The following GRM5 variants were observed in gnomAD, a reference collection of about 807,000 sequenced individuals.
GRM5 encodes metabotropic glutamate receptor 5.
In GRM5, 19 loss-of-function variants were observed where a neutral mutation model predicts 83.1. The ratio of observed to expected loss-of-function variants is 0.23; its 90% CI spans 0.16 to 0.34. The LOEUF is 0.34. Among genes scored for constraint, GRM5 ranks in the 10% least tolerant of loss-of-function variants. The pLI is 1.00. For synonymous variants in GRM5, 675 were observed against 633.6 expected (o/e 1.07, Z -0.98); for missense variants, 1,160 against 1,588.3 (o/e 0.73, Z 4.58).
intron 1 of GRM5, among the ~76,000 whole-genome samples, chr11:89,057,285 C>G (rs149859761): frequency 0.016 from 2,381 of 152,150 alleles, 60 homozygotes; most frequent in African/African-American, 0.053. Context: ...AGATAAGAGA[C>G]AGCCTGAGGT....
intron 2 of GRM5, among the ~76,000 whole-genome samples, chr11:88,851,024 C>A (rs983186796): frequency 5.3e-5 from 8 of 152,006 alleles, no homozygotes; most frequent in Non-Finnish European, 1.0e-4. Context: ...GCAGTTAGGT[C>A]CATATTTACC....
At chr11:88,844,809 A>G (rs1944269602) in intron 3 of GRM5, among the ~76,000 whole-genome samples, 1 of 152,198 alleles carries the variant, frequency 6.6e-6, no homozygotes, top group African/African-American at 2.4e-5. Flanking sequence ...AAATAACTGA[A>G]GATGTAGTGA....
chr11:88,798,063 C>T (rs1314838042), intron 3 of GRM5, among the ~76,000 whole-genome samples: 6 of 152,118 alleles, frequency 3.9e-5, no homozygotes, highest in East Asian at 1.9e-4. Context: ...CTCCTGTCTG[C>T]TCTTTCTCCT....
chr11:88,583,956 C>T (rs1397250327), intron 7 of GRM5, among the ~76,000 whole-genome samples: 1 of 152,112 alleles, frequency 6.6e-6, no homozygotes, highest in Non-Finnish European at 1.5e-5. Context: ...ATTACATTAT[C>T]CTTACCCAAA....
intron 2 of GRM5, among the ~76,000 whole-genome samples, chr11:88,902,030 T>C (rs1439847396): frequency 6.6e-6 from 1 of 152,160 alleles, no homozygotes; most frequent in Non-Finnish European, 1.5e-5. Context: ...CTAAATTCTC[T>C]TTATTCTTTA....
At chr11:88,938,260 G>A (rs1937967512) in intron 2 of GRM5, among the ~76,000 whole-genome samples, 1 of 151,608 alleles carries the variant, frequency 6.6e-6, no homozygotes, top group East Asian at 1.9e-4. Context: ...GAAGCTCTTA[G>A]CCTTATCACA....
chr11:88,638,382 T>TATTTACATCA (rs1194805883), intron 4 of GRM5, among the ~76,000 whole-genome samples: 2 of 152,146 alleles, frequency 1.3e-5, no homozygotes, highest in African/African-American at 2.4e-5. Context: ...TCAGTGTTCA[T>TATTTACATCA]GAGGTCTATA....
At chr11:88,515,077 G>A (rs1394382762) in intron 9 of GRM5, among the ~76,000 whole-genome samples, 1 of 152,004 alleles carries the variant, frequency 6.6e-6, no homozygotes, top group Non-Finnish European at 1.5e-5. Flanking sequence ...GCAACAGGAA[G>A]CCTTTTCAGA....
intron 2 of GRM5, among the ~76,000 whole-genome samples, chr11:89,013,431 T>G (rs1440373117): frequency 6.6e-6 from 1 of 152,164 alleles, no homozygotes; most frequent in Non-Finnish European, 1.5e-5. Context: ...CATGTATGGC[T>G]TGAATCAAGC....
intron 2 of GRM5, among the ~76,000 whole-genome samples, chr11:88,921,019 T>C (rs1305712747): frequency 6.6e-6 from 1 of 152,092 alleles, no homozygotes; most frequent in Admixed American, 6.6e-5. Context: ...ATTAATAGAA[T>C]CTATTGTACC....
chr11:88,894,550 G>C (rs1252882926), intron 2 of GRM5, among the ~76,000 whole-genome samples: 1 of 151,936 alleles, frequency 6.6e-6, no homozygotes, highest in East Asian at 1.9e-4. Flanking sequence ...TCTAACCTGT[G>C]TTCTAGTGCC....
intron 2 of GRM5, among the ~76,000 whole-genome samples, chr11:88,884,717 T>G (rs1393974893): frequency 1.3e-5 from 2 of 152,172 alleles, no homozygotes; most frequent in African/African-American, 2.4e-5. Context: ...TTCCCTATGC[T>G]ATTCTTGCGG....
chr11:89,054,440 T>C (rs1359782176), intron 1 of GRM5, among the ~76,000 whole-genome samples: 1 of 152,152 alleles, frequency 6.6e-6, no homozygotes, highest in Admixed American at 6.5e-5. Flanking sequence ...AAGTTGCACA[T>C]ACTAGAAACT....
chr11:88,863,592 C>T (rs560651265), intron 2 of GRM5, among the ~76,000 whole-genome samples: 22 of 152,034 alleles, frequency 1.4e-4, no homozygotes, highest in East Asian at 9.7e-4. Context: ...AGGGGAACAA[C>T]ACACTCATAT....
chr11:88,620,571 T>A (rs1463752919), intron 4 of GRM5, among the ~76,000 whole-genome samples: 3 of 152,190 alleles, frequency 2.0e-5, no homozygotes, highest in Non-Finnish European at 4.4e-5. Flanking sequence ...TGCAGGTAGC[T>A]TTTTGGGAAC....
chr11:89,021,471 T>C (rs753970421), intron 2 of GRM5, among the ~76,000 whole-genome samples: 1 of 152,124 alleles, frequency 6.6e-6, no homozygotes, highest in African/African-American at 2.4e-5. Flanking sequence ...ACCAGAATTA[T>C]TGGGAGAACA....
intron 9 of GRM5, among the ~76,000 whole-genome samples, chr11:88,518,581 T>G (rs967118588): frequency 6.6e-6 from 1 of 152,000 alleles, no homozygotes; most frequent in African/African-American, 2.4e-5. Flanking sequence ...TTATCAATTT[T>G]TTATGTAACT....
At chr11:88,727,458 G>A (rs1190384257) in intron 3 of GRM5, among the ~76,000 whole-genome samples, 1 of 152,160 alleles carries the variant, frequency 6.6e-6, no homozygotes, top group Non-Finnish European at 1.5e-5. Context: ...ACACTGCACT[G>A]TCAATATTAG....
chr11:88,825,146 A>G (rs1179963812), intron 3 of GRM5, among the ~76,000 whole-genome samples: 1 of 151,154 alleles, frequency 6.6e-6, no homozygotes, highest in African/African-American at 2.4e-5. Context: ...TTTATTACCT[A>G]TCTGATGGCT....
Sources: gnomAD v4.1 joint callset for allele counts (sites outside exome capture counted in the v4.1 genomes callset) on GRCh38, gnomAD v4.1.1 for gene constraint, MANE v1.5 for transcripts, NCBI Gene and HGNC (gene_info 2026-07-23, HGNC 2026-07-21) for gene names.